The following PPP2R5B variants were observed in gnomAD, a reference collection of about 807,000 sequenced individuals.
The protein encoded by PPP2R5B is protein phosphatase 2 regulatory subunit B'beta.
PPP2R5B carries 19 observed loss-of-function variants against 59.9 expected under a neutral mutation model. The observed-to-expected ratio is 0.32, with a 90% confidence interval of 0.22 to 0.47. The LOEUF (loss-of-function observed/expected upper bound fraction) is 0.47, where lower values mean the gene tolerates loss of function less well. Ranked by LOEUF, PPP2R5B falls within the 20% of genes least tolerant of loss-of-function variation. The pLI, the probability that PPP2R5B is intolerant of heterozygous loss-of-function variation, is 1.00. For missense variants in PPP2R5B, 441 were observed against 640.2 expected (o/e 0.69, Z 3.36); for synonymous variants, 286 against 260.5 (o/e 1.10, Z -0.94).
At position 64,931,726 on chromosome 11, in the gene PPP2R5B, A is replaced by G; in HGVS notation, c.997-23A>G. The G allele has an allele frequency of 6.2e-7, 1 of 1,612,810 alleles. No individual in the cohort carries two copies. The highest frequency in any genetic ancestry group is 8.5e-7 in the Non-Finnish European group (1 of 1,179,736). On this transcript the variant is annotated intron_variant, in intron 10 of 13. Coordinates refer to ENST00000164133, the MANE Select transcript of PPP2R5B (RefSeq NM_006244.4). This position sits in a 1 kb window ranked among gnomAD's most constrained non-coding sequence, Gnocchi z 5.0. ...TGTGAGCTGCTGCCCCTCTGTCCCTACTCCCCTCCCCAACCCACCCAGGTG... is the reference window on the plus strand; with the variant it reads ...TGTGAGCTGCTGCCCCTCTGTCCCTGCTCCCCTCCCCAACCCACCCAGGTG...
At position 64,925,642 on chromosome 11, in the gene PPP2R5B, G is replaced by A; in HGVS notation, c.-93G>A. On this transcript the variant is annotated 5_prime_UTR_variant, in exon 2 of 14. Coordinates refer to ENST00000164133, the MANE Select transcript of PPP2R5B (RefSeq NM_006244.4). This position sits in a 1 kb window ranked among gnomAD's most constrained non-coding sequence, Gnocchi z 4.6. ...CCCCCCCCAAAGGCCGGACAGGATG[G>A]GACCAAGTTAGTCTGTCCAGTCTCA... 6.1e-6 allele frequency: 4 copies of A among 660,784 alleles called. No homozygotes were observed. Among genetic ancestry groups the A allele is most frequent in the Non-Finnish European group, 7.7e-6 (3 of 388,324 alleles). 40.9% of individuals were successfully genotyped at this position (660,784 alleles called of 1,614,324 possible).
rs1945254995 is a variant in PPP2R5B, at chr11:64,933,783, C to T, written c.1433C>T (p.Ala478Val). 1 of 1,553,926 alleles carries T rather than the reference C, an allele frequency of 6.4e-7. No individual in the cohort carries two copies. Among genetic ancestry groups the T allele is most frequent in the African/African-American group, 1.4e-5 (1 of 73,292 alleles). Residue 478 changes from alanine to valine, a missense_variant, in exon 14 of 14, where the codon GCC (alanine) becomes GTC (valine). Around this residue, in one of 3 missense-constraint regions of PPP2R5B, gnomAD observed 70 missense variants for 64.2 expected, o/e 1.09. Transcript: ENST00000164133. The stretch of plus-strand genomic sequence containing the variant: ...CGCCGGCTACAGGGGACCCAGGGGG[C>T]CAAGGAGGCCCCCCTCCAGCGGCTT... ...RLRRLQGTQGAKEAPLQRLTP... is the reference protein window; with the variant it reads ...RLRRLQGTQGVKEAPLQRLTP...
chr11:64,925,641 G>T lies in PPP2R5B; in HGVS notation c.-94G>T. ...CCCCCCCCCAAAGGCCGGACAGGAT[G>T]GGACCAAGTTAGTCTGTCCAGTCTC... On this transcript the variant is annotated 5_prime_UTR_variant, in exon 2 of 14. The change abolishes an upstream ATG in the 5' untranslated region. Transcript: ENST00000164133. This position sits in a 1 kb window ranked among gnomAD's most constrained non-coding sequence, Gnocchi z 4.6. 2 of 630,124 alleles carry T rather than the reference G, an allele frequency of 3.2e-6. No homozygotes were observed. Among genetic ancestry groups the T allele is most frequent in the Non-Finnish European group, 5.4e-6 (2 of 367,098 alleles). 39.0% of individuals were successfully genotyped at this position (630,124 alleles called of 1,614,324 possible).
In PPP2R5B at chr11:64,934,050, C is replaced by T; in HGVS notation, c.*206C>T. 2 of 561,944 alleles carry T rather than the reference C, an allele frequency of 3.6e-6. No homozygotes were observed. The highest frequency in any genetic ancestry group is 6.7e-5 in the East Asian group (2 of 29,652). 34.8% of individuals were successfully genotyped at this position (561,944 alleles called of 1,614,324 possible). A position where few individuals can be genotyped will look rare whatever the true frequency, so the allele number is the denominator to read the frequency against. ...CAACAGAATGCTCAGCCCCTCGTGGCAGGACTTGACAAGGGCAAGCTTGAC... is the reference window on the plus strand; with the variant it reads ...CAACAGAATGCTCAGCCCCTCGTGGTAGGACTTGACAAGGGCAAGCTTGAC... On this transcript the variant is annotated 3_prime_UTR_variant, in exon 14 of 14. Transcript: ENST00000164133.
At chr11:64,920,587 G>C (rs1945100479), upstream of PPP2R5B, among the ~76,000 whole-genome samples, 1 of 151,862 alleles carries the variant, frequency 6.6e-6, no homozygotes, top group African/African-American at 2.4e-5. Context: ...AACCCCATGG[G>C]ACATTCTGCA....
At chr11:64,927,231 C>T (rs929105614) in intron 3 of PPP2R5B, among the ~76,000 whole-genome samples, 2 of 152,200 alleles carry the variant, frequency 1.3e-5, no homozygotes, top group South Asian at 2.1e-4. Context: ...TTTTCCTGCC[C>T]GTAGACCTCA....
In PPP2R5B at chr11:64,931,304, A is replaced by T. The variant is rs1448023357; in HGVS notation, c.892-132A>T. ...GCCTGGTACATCCTAGGCAGGTGAT[A>T]AATGCTTGGTGAATAAGAAAGTAAC... On this transcript the variant is annotated intron_variant, in intron 8 of 13. Transcript: ENST00000164133. This position sits in a 1 kb window ranked among gnomAD's most constrained non-coding sequence, Gnocchi z 5.0. The T allele has an allele frequency of 5.1e-6, 5 of 977,552 alleles. No individual in the cohort carries two copies. The highest frequency in any genetic ancestry group is 7.9e-6 in the Non-Finnish European group (5 of 635,988). 60.6% of individuals were successfully genotyped at this position (977,552 alleles called of 1,614,324 possible).
chr11:64,925,776 CTCCT>C lies in PPP2R5B; in HGVS notation c.43_46del (p.Ser15ProfsTer62). On this transcript the variant is annotated frameshift_variant, in exon 2 of 14. Transcript: ENST00000164133. LOFTEE classifies it high-confidence loss of function. The surrounding 1 kb of genome is among the most constrained non-coding windows in gnomAD (Gnocchi z 4.6). ...CCCCTGCAAGCACCCCCACTAGCCC[CTCCT>C]CCCCCGGGCTGTCGCCTGTGCCCCC... The C allele has an allele frequency of 1.3e-6, 2 of 1,589,502 alleles. No individual in the cohort carries two copies. The highest frequency in any genetic ancestry group is 1.7e-6 in the Non-Finnish European group (2 of 1,164,776).
chr11:64,933,562 T>A, intron 13 of PPP2R5B, 135 bp from the exon 14 acceptor site: 2 of 1,162,910 alleles, frequency 1.7e-6, no homozygotes, highest in Non-Finnish European at 2.4e-6. Context: ...AGAGGGTTTT[T>A]ATGGAGTCAC....
chr11:64,922,189 A>T (rs34931554), upstream of PPP2R5B, among the ~76,000 whole-genome samples: 95,846 of 148,750 alleles, frequency 0.64, 31,870 homozygotes, highest in Non-Finnish European at 0.72. Flanking sequence ...AAAAAAAATA[A>T]AAAAATAAAA....
At chr11:64,932,016 G>T in intron 11 of PPP2R5B, 148 bp downstream of exon 11, 1 of 1,322,942 alleles carries the variant, frequency 7.6e-7, no homozygotes, top group Non-Finnish European at 1.0e-6. Flanking sequence ...AGGAGACCTA[G>T]GGTGAAGCCT....
chr11:64,933,369 A>G (rs768016432), intron 13 of PPP2R5B, 123 bp downstream of exon 13: 39 of 842,886 alleles, frequency 4.6e-5, no homozygotes, highest in Non-Finnish European at 7.2e-5. Context: ...AAGACTGTCC[A>G]TGCTCCTGCC....
chr11:64,926,011 C>CG, intron 2 of PPP2R5B, 78 bp downstream of exon 2: 1 of 1,415,014 alleles, frequency 7.1e-7, no homozygotes, highest in Non-Finnish European at 9.6e-7. Flanking sequence ...TGGGAGGCAG[C>CG]GGGCAGCTGC....
At position 64,931,453 on chromosome 11, in the gene PPP2R5B, G is replaced by A. The variant is rs1231913016; in HGVS notation, c.909G>A (p.Val303=). ...VFHAQLAYCV[V]QFLEKDATLT... ...CCCTGCAGCTGGCATACTGTGTGGT[G>A]CAGTTCCTGGAGAAGGATGCCACTC... is the stretch of plus-strand genomic sequence containing the variant. Residue 303 remains valine, a synonymous_variant, in exon 9 of 14, where the codon GTG becomes GTA. Coordinates refer to ENST00000164133, the MANE Select transcript of PPP2R5B (RefSeq NM_006244.4). This position sits in a 1 kb window ranked among gnomAD's most constrained non-coding sequence, Gnocchi z 5.0. 1.2e-6 allele frequency: 2 copies of A among 1,614,120 alleles called. No individual in the cohort carries two copies. The highest frequency in any genetic ancestry group is 1.7e-6 in the Non-Finnish European group (2 of 1,180,002).
intron 1 of PPP2R5B, among the ~76,000 whole-genome samples, chr11:64,918,993 C>T (rs912963056): frequency 3.3e-5 from 5 of 152,130 alleles, no homozygotes; most frequent in Non-Finnish European, 7.4e-5. Context: ...TAGTTCATTA[C>T]CTGGAAGGAG....
At chr11:64,929,694 C>T (rs1423336184) in intron 6 of PPP2R5B, among the ~76,000 whole-genome samples, 1 of 152,180 alleles carries the variant, frequency 6.6e-6, no homozygotes, top group Non-Finnish European at 1.5e-5. Flanking sequence ...CCACTGCACT[C>T]CTGCCTGGGC....
chr11:64,932,909 G>A lies in PPP2R5B; in HGVS notation c.1244+17G>A. The A allele has an allele frequency of 6.2e-7, 1 of 1,613,288 alleles. No individual in the cohort carries two copies. The highest frequency in any genetic ancestry group is 1.1e-5 in the South Asian group (1 of 90,984). ...CTGGAACCAGTGAGTGCCAGGCCAT[G>A]ACCTAACTCACAGAAACTGGGACCA... On this transcript the variant is annotated intron_variant, in intron 12 of 13. Coordinates refer to ENST00000164133, the MANE Select transcript of PPP2R5B (RefSeq NM_006244.4).
In PPP2R5B at chr11:64,928,155, G is replaced by C. The variant is rs1456944544; in HGVS notation, c.588G>C (p.Leu196=). 6.2e-7 allele frequency: 1 copy of C among 1,614,184 alleles called. No homozygotes were observed. Residue 196 remains leucine, a synonymous_variant, in exon 5 of 14, where the codon CTG becomes CTC. Transcript: ENST00000164133. ...AKRYVDQKFV[L]MLLELFDSED... ...GATATGTGGATCAAAAGTTTGTCCT[G>C]ATGGTGAAGTGGGGAGCCCAGGCTG... is the stretch of plus-strand genomic sequence containing the variant.
chr11:64,925,346 T>G lies in PPP2R5B; in HGVS notation c.-264-125T>G. The G allele has an allele frequency of 5.7e-6, 1 of 176,732 alleles. No individual in the cohort carries two copies. Among genetic ancestry groups the G allele is most frequent in the Non-Finnish European group, 1.2e-5 (1 of 82,418 alleles). The allele number at this position is 176,732 out of a possible 1,614,324, so 10.9% of individuals were successfully genotyped here. A position where few individuals can be genotyped will look rare whatever the true frequency, so the allele number is the denominator to read the frequency against. On this transcript the variant is annotated intron_variant, in intron 1 of 13. Coordinates refer to ENST00000164133, the MANE Select transcript of PPP2R5B (RefSeq NM_006244.4). This position sits in a 1 kb window ranked among gnomAD's most constrained non-coding sequence, Gnocchi z 4.6. Reference sequence around the variant, plus strand: ...AGGGGGCTGCACCCCTATTTTAGGGTCTGGGCAAGGATAGGAGGGAAAAGA... The same window carrying G: ...AGGGGGCTGCACCCCTATTTTAGGGGCTGGGCAAGGATAGGAGGGAAAAGA...
Sources: gnomAD v4.1 joint callset for allele counts (sites outside exome capture counted in the v4.1 genomes callset) on GRCh38, gnomAD v4.1.1 for gene constraint, gnomAD v4.1.1 regional missense constraint, Gnocchi (gnomAD v3.1) non-coding constraint, MANE v1.5 for transcripts, NCBI Gene and HGNC (gene_info 2026-07-23, HGNC 2026-07-21) for gene names.